Variants in PLEKHG4B observed in about 807,000 individuals in gnomAD.
PLEKHG4B encodes the protein pleckstrin homology and RhoGEF domain containing G4B.
Under a neutral mutation model 121.3 loss-of-function variants are expected in PLEKHG4B, and 111 were observed. The observed-to-expected ratio is 0.92, with a 90% CI of 0.78 to 1.07. The LOEUF (loss-of-function observed/expected upper bound fraction) is 1.07, where lower values mean the gene tolerates loss of function less well. PLEKHG4B is among the 50% of genes least tolerant of loss of function. The probability of loss-of-function intolerance (pLI) is 0.00; values close to 1 mark genes in which losing one functional copy is unlikely to be tolerated. For synonymous variants in PLEKHG4B, 738 were observed against 725.0 expected, an observed-to-expected ratio of 1.02 and a Z score of -0.29; for missense variants, 1,831 against 1,757.8, an observed-to-expected ratio of 1.04 and a Z score of -0.74.
intron 6 of PLEKHG4B, among the ~76,000 whole-genome samples, chr5:146,241 C>A (rs1450229344): frequency 1.5e-5 from 2 of 129,258 alleles, no homozygotes; most frequent in African/African-American, 6.1e-5. Flanking sequence ...TTTCCACCCC[C>A]ACAGTCGTTC....
At position 113,319 on chromosome 5, in the gene PLEKHG4B, G is replaced by A. The variant is rs887839824; in HGVS notation, c.114G>A (p.Thr38=). 1 of 399,062 alleles carries A rather than the reference G, an allele frequency of 2.5e-6. No homozygotes were observed. The highest frequency in any genetic ancestry group is 2.1e-5 in the African/African-American group (1 of 48,730). The allele number at this position is 399,062 out of a possible 1,614,324, so 24.7% of individuals were successfully genotyped here. The part of the protein sequence containing the change: ...LSALYPPFEA[T]AATVLWQLFS... ...CCTTGTACCCACCGTTTGAAGCCAC[G>A]GCAGCCACGGTGCTCTGGCAGCTGT... The change falls in exon 2 of 20, where the codon ACG becomes ACA. Residue 38 remains threonine, a synonymous_variant. Transcript: ENST00000637938. This position sits in a 1 kb window ranked among gnomAD's most constrained non-coding sequence, Gnocchi z 5.2.
At chr5:153,813 A>G (rs533041759) in intron 7 of PLEKHG4B, among the ~76,000 whole-genome samples, 77 of 152,118 alleles carry the variant, frequency 5.1e-4, no homozygotes, top group African/African-American at 1.8e-3. Context: ...CAGCCTCCTC[A>G]GTAGCTGGAT....
At chr5:170,462 C>T (rs994823798) in intron 14 of PLEKHG4B, among the ~76,000 whole-genome samples, 19 of 152,062 alleles carry the variant, frequency 1.2e-4, no homozygotes, top group Non-Finnish European at 1.9e-4. Flanking sequence ...CCACCACGCC[C>T]GGCTAATTTT....
intron 6 of PLEKHG4B, among the ~76,000 whole-genome samples, chr5:145,603 C>T (rs1036666652): frequency 2.0e-5 from 3 of 152,204 alleles, no homozygotes; most frequent in South Asian, 2.1e-4. Flanking sequence ...CTCAAGCGCA[C>T]CCACCTCAGC....
chr5:121,874 G>A (rs1734480141), intron 2 of PLEKHG4B, among the ~76,000 whole-genome samples: 3 of 151,650 alleles, frequency 2.0e-5, no homozygotes, highest in Non-Finnish European at 4.4e-5. Flanking sequence ...TAGGTTGAAG[G>A]GAAATGATAC....
chr5:133,733 G>C (rs1270941434), intron 2 of PLEKHG4B, among the ~76,000 whole-genome samples: 1 of 151,966 alleles, frequency 6.6e-6, no homozygotes, highest in African/African-American at 2.4e-5. Context: ...ATTCCTTAAA[G>C]AACTAAAAGT....
In PLEKHG4B at chr5:156,882, C is replaced by G. The variant is rs1427316221; in HGVS notation, c.2458C>G (p.Leu820Val). The G allele has an allele frequency of 4.3e-6, 7 of 1,611,478 alleles. No homozygotes were observed. Among genetic ancestry groups the G allele is most frequent in the South Asian group, 1.1e-5 (1 of 90,392 alleles). Residue 820 changes from leucine (L) to valine (V), a missense_variant, in exon 11 of 20, where the codon CTG (leucine) becomes GTG (valine). Physicochemically the swap from Leu to Val is conservative, Grantham distance 32 (BLOSUM62 1). Coordinates refer to ENST00000637938, the MANE Select transcript of PLEKHG4B (RefSeq NM_052909.5). This position sits in a 1 kb window ranked among gnomAD's most constrained non-coding sequence, Gnocchi z 4.4. ...CCAGCAGCTGGAGCACCTCCGGGAG[C>G]TGGCGTCACTCCTGGAAGGGAATGA... Reference protein sequence around the residue: ...RLQQLEHLRELASLLEGNDQQ... With the variant: ...RLQQLEHLREVASLLEGNDQQ...
At position 137,769 on chromosome 5, in the gene PLEKHG4B, A is replaced by C. The variant is rs1735025928; in HGVS notation, c.244-1714A>C. On this transcript the variant is annotated intron_variant, in intron 2 of 19. Coordinates refer to ENST00000637938, the MANE Select transcript of PLEKHG4B (RefSeq NM_052909.5). The surrounding 1 kb of genome is among the most constrained non-coding windows in gnomAD (Gnocchi z 4.2). Reference sequence around the variant, plus strand: ...TTCACAGGAACATGCCCTGGGCACCAATATGGCTGTGCTGGGCAATAGGAT... The same window carrying C: ...TTCACAGGAACATGCCCTGGGCACCCATATGGCTGTGCTGGGCAATAGGAT... Among the ~76,000 whole-genome samples, 1 of 152,208 alleles carries C rather than the reference A, an allele frequency of 6.6e-6. No homozygotes were observed. Among genetic ancestry groups the C allele is most frequent in the African/African-American group, 2.4e-5 (1 of 41,446 alleles).
intron 6 of PLEKHG4B, among the ~76,000 whole-genome samples, chr5:146,713 C>T (rs1458307373): frequency 7.1e-6 from 1 of 141,710 alleles, no homozygotes; most frequent in Non-Finnish European, 1.5e-5. Flanking sequence ...TCCCCTGACC[C>T]TGCGGCCCTC....
intron 6 of PLEKHG4B, among the ~76,000 whole-genome samples, chr5:148,726 C>T (rs1735509630): frequency 6.6e-6 from 1 of 152,104 alleles, no homozygotes; most frequent in Admixed American, 6.6e-5. Flanking sequence ...AAAACCTATC[C>T]TGAAATTCAT....
chr5:142,661 A>AGGCC (rs1181794253), intron 3 of PLEKHG4B, among the ~76,000 whole-genome samples: 1 of 152,128 alleles, frequency 6.6e-6, no homozygotes, highest in African/African-American at 2.4e-5. Context: ...CACCAGTCAC[A>AGGCC]TGCCTCACAC....
In PLEKHG4B at chr5:143,121, G is replaced by C; in HGVS notation, c.1552G>C (p.Asp518His). ...LHCHNPSGPS[D>H]VPARQPHPEQ... ...TTGCCACAACCCCAGCGGGCCTTCCGATGTGCCTGCCCGGCAGCCACACCC... is the reference window on the plus strand; with the variant it reads ...TTGCCACAACCCCAGCGGGCCTTCCCATGTGCCTGCCCGGCAGCCACACCC... The change falls in exon 4 of 20, where the codon GAT becomes CAT. Residue 518 changes from aspartate to histidine, a missense_variant. Coordinates refer to ENST00000637938, the MANE Select transcript of PLEKHG4B (RefSeq NM_052909.5). 1 of 1,612,782 alleles carries C rather than the reference G, an allele frequency of 6.2e-7. No individual in the cohort carries two copies. The highest frequency in any genetic ancestry group is 1.7e-5 in the Admixed American group (1 of 60,034).
Position 172,942 on chromosome 5 carries a change from A to G in PLEKHG4B, c.4096A>G (p.Ile1366Val), listed in dbSNP as rs753481124. 1.2e-6 allele frequency: 2 copies of G among 1,614,202 alleles called. No individual in the cohort carries two copies. The highest frequency in any genetic ancestry group is 1.3e-5 in the African/African-American group (1 of 75,048). ...QGQLRCRDEF[I>V]VCCGRKKYLR... Reference sequence around the variant, plus strand: ...GCAGCTGAGATGCCGGGATGAGTTTATCGTTTGCTGCGGGAGGAAGAAGTA... The same window carrying G: ...GCAGCTGAGATGCCGGGATGAGTTTGTCGTTTGCTGCGGGAGGAAGAAGTA... The change falls in exon 17 of 20, where the codon ATC becomes GTC. Residue 1366 changes from isoleucine (I) to valine (V), a missense_variant. Coordinates refer to ENST00000637938, the MANE Select transcript of PLEKHG4B (RefSeq NM_052909.5).
In PLEKHG4B at chr5:110,122, CCACA is replaced by C. The variant is rs536264344; in HGVS notation, c.46-3126_46-3123del. 2.1e-4 allele frequency among the ~76,000 whole-genome samples: 32 copies of C among 150,838 alleles called. No homozygotes were observed. In the East Asian group the frequency reaches 5.6e-3, roughly 26 times the overall value. On this transcript the variant is annotated intron_variant, in intron 1 of 19. Transcript: ENST00000637938. The stretch of plus-strand genomic sequence containing the variant: ...CAATCTGCAACACACGTGCACGCAC[CCACA>C]CAGTCTGCAACACACGTGCACACAT...
At chr5:147,728 A>G (rs1369719791) in intron 6 of PLEKHG4B, among the ~76,000 whole-genome samples, 2 of 152,198 alleles carry the variant, frequency 1.3e-5, no homozygotes, top group East Asian at 3.9e-4. Flanking sequence ...AATGCATCCT[A>G]ACTCATTCTA....
At chr5:101,961 A>G (rs1264337147) in intron 1 of PLEKHG4B, among the ~76,000 whole-genome samples, 3 of 89,734 alleles carry the variant, frequency 3.3e-5, no homozygotes, top group Non-Finnish European at 6.3e-5. Context: ...TTGTGAGGTT[A>G]ATCCATATAA....
intron 12 of PLEKHG4B, 33 bp from the exon 13 acceptor site, chr5:162,689 A>G (rs1367785535): frequency 7.9e-6 from 11 of 1,384,498 alleles, no homozygotes; most frequent in Non-Finnish European, 1.0e-5. Context: ...CCCCTCCTCC[A>G]CTGCACTGAG....
intron 8 of PLEKHG4B, 50 bp from the exon 9 acceptor site, chr5:155,295 C>T (rs1198941015): frequency 1.3e-6 from 2 of 1,486,318 alleles, no homozygotes; most frequent in Non-Finnish European, 1.9e-6. Context: ...CTTACTTTAG[C>T]ATTTAACAGA....
chr5:174,943 T>C (rs1328961976), intron 18 of PLEKHG4B, among the ~76,000 whole-genome samples: 1 of 152,004 alleles, frequency 6.6e-6, no homozygotes, highest in Non-Finnish European at 1.5e-5. Context: ...AGCCGCACTG[T>C]CCATTTTCTT....
Sources: allele counts gnomAD v4.1 joint callset (sites outside exome capture counted in the v4.1 genomes callset), GRCh38; gene constraint gnomAD v4.1.1; non-coding constraint Gnocchi (gnomAD v3.1); transcripts MANE v1.5; gene names NCBI Gene and HGNC (gene_info 2026-07-23, HGNC 2026-07-21).